The following RAD51B variants were observed in gnomAD, a reference collection of about 807,000 sequenced individuals.
The protein encoded by RAD51B is DNA repair protein RAD51 homolog 2.
Under a neutral mutation model 42.2 loss-of-function variants are expected in RAD51B, and 38 were observed. The ratio of observed to expected loss-of-function variants is 0.90; its 90% confidence interval spans 0.70 to 1.18. The LOEUF is 1.18. Among genes scored for constraint, RAD51B ranks in the 50% most tolerant of loss-of-function variants. The probability of loss-of-function intolerance (pLI) is 0.00; values close to 1 mark genes in which losing one functional copy is unlikely to be tolerated. For synonymous variants in RAD51B, 154 were observed against 145.2 expected, an observed-to-expected ratio of 1.06 and a Z score of -0.43; for missense variants, 373 against 400.7, an observed-to-expected ratio of 0.93 and a Z score of 0.59.
At chr14:68,430,179 G>C (rs925731826) in intron 9 of RAD51B, among the ~76,000 whole-genome samples, 9 of 152,028 alleles carry the variant, frequency 5.9e-5, no homozygotes, top group Admixed American at 5.2e-4. Flanking sequence ...AGTCAGGTAG[G>C]GTGATGCCTC....
At chr14:67,823,839 G>A (rs2040717300) in intron 2 of RAD51B, among the ~76,000 whole-genome samples, 1 of 152,142 alleles carries the variant, frequency 6.6e-6, no homozygotes, top group Non-Finnish European at 1.5e-5. Flanking sequence ...TTTGCATTTT[G>A]AGGGGAAAGT....
intron 7 of RAD51B, among the ~76,000 whole-genome samples, chr14:67,935,700 G>A (rs948243195): frequency 6.6e-6 from 1 of 152,120 alleles, no homozygotes; most frequent in African/African-American, 2.4e-5. Context: ...ATTCTGTTGC[G>A]TTGTCTTAGA....
intron 10 of RAD51B, chr14:68,470,420 T>TCCCCAGAAAATGCAGGC: frequency 2.2e-6 from 1 of 451,750 alleles, no homozygotes; most frequent in Non-Finnish European, 4.4e-6. Context: ...AAAATGCAGG[T>TCCCCAGAAAATGCAGGC]CCCCAGAAAA....
intron 7 of RAD51B, among the ~76,000 whole-genome samples, chr14:68,010,949 AC>A (rs1228604519): frequency 6.6e-6 from 1 of 151,926 alleles, no homozygotes; most frequent in African/African-American, 2.4e-5. Flanking sequence ...TTTGTATTGT[AC>A]AAAGGATATA....
intron 7 of RAD51B, among the ~76,000 whole-genome samples, chr14:68,193,291 C>G (rs920025981): frequency 1.3e-5 from 2 of 152,194 alleles, no homozygotes; most frequent in African/African-American, 4.8e-5. Flanking sequence ...TCTACTTGGA[C>G]TTAAATGTTG....
intron 10 of RAD51B, among the ~76,000 whole-genome samples, chr14:68,609,597 G>A (rs373639509): frequency 1.4e-4 from 21 of 152,272 alleles, no homozygotes; most frequent in South Asian, 8.3e-4. Context: ...AGCCTGGACC[G>A]GAAGCTGTGT....
In RAD51B at chr14:68,466,818, G is replaced by A. The variant is rs1032172674; in HGVS notation, c.958-1354G>A. Among the ~76,000 whole-genome samples the A allele has an allele frequency of 2.0e-5, 3 of 152,190 alleles. No homozygotes were observed. The South Asian group carries it at 6.2e-4, about 32-fold the overall frequency. Reference sequence around the variant, plus strand: ...GAGTTATTTACTAAAGGGAAGAAGGGGAATGGCTGCTAGAGGAAAATTGTA... The same window carrying A: ...GAGTTATTTACTAAAGGGAAGAAGGAGAATGGCTGCTAGAGGAAAATTGTA... On this transcript the variant is annotated intron_variant, in intron 9 of 10. Transcript: ENST00000471583.
chr14:68,618,977 C>A (rs1455467309), intron 10 of RAD51B, among the ~76,000 whole-genome samples: 5 of 152,112 alleles, frequency 3.3e-5, no homozygotes, highest in Non-Finnish European at 4.4e-5. Context: ...GAGGAGGAGG[C>A]CAGATAAAGA....
chr14:68,641,477 C>T (rs998103525), intron 10 of RAD51B, among the ~76,000 whole-genome samples: 1 of 147,244 alleles, frequency 6.8e-6, no homozygotes, highest in Non-Finnish European at 1.5e-5. Context: ...TTTAGGACTT[C>T]CAGTATGATG....
chr14:68,068,821 G>A (rs2076696210), intron 7 of RAD51B, among the ~76,000 whole-genome samples: 1 of 152,090 alleles, frequency 6.6e-6, no homozygotes, highest in South Asian at 2.1e-4. Context: ...GTTTTCTAGT[G>A]TACCTTGGAG....
At chr14:68,561,931 T>C in intron 10 of RAD51B, 1 of 982,440 alleles carries the variant, frequency 1.0e-6, no homozygotes, top group Non-Finnish European at 1.2e-6. Context: ...AATGAGGTCA[T>C]GTGTGCAAAG....
intron 7 of RAD51B, among the ~76,000 whole-genome samples, chr14:67,990,532 A>G (rs1771952733): frequency 6.6e-6 from 1 of 152,200 alleles, no homozygotes; most frequent in Non-Finnish European, 1.5e-5. Context: ...GGTTATGACT[A>G]TTTATCACCT....
intron 11 of RAD51B, among the ~76,000 whole-genome samples, chr14:68,669,768 T>C (rs1312841619): frequency 1.3e-5 from 2 of 152,190 alleles, no homozygotes; most frequent in Admixed American, 6.5e-5. Context: ...ACATGGCCCC[T>C]GGCCTTCTGT....
At chr14:68,009,792 C>T (rs2075653908) in intron 7 of RAD51B, among the ~76,000 whole-genome samples, 1 of 151,814 alleles carries the variant, frequency 6.6e-6, no homozygotes, top group Non-Finnish European at 1.5e-5. Flanking sequence ...TAAGTAGTAA[C>T]ATCAATTTAT....
rs139148809 is a variant in RAD51B, at chr14:67,861,540, C to T, written c.316-3463C>T. On this transcript the variant is annotated intron_variant, in intron 4 of 10. Transcript: ENST00000471583. Reference sequence around the variant, plus strand: ...GCAGTAAGTTATGTTCATGCCACTGCACTCCAGCCTGGGCAACAGAGTGAG... The same window carrying T: ...GCAGTAAGTTATGTTCATGCCACTGTACTCCAGCCTGGGCAACAGAGTGAG... Among the ~76,000 whole-genome samples the T allele has an allele frequency of 7.1e-3, 1,053 of 148,252 alleles. 10 individuals carry two copies. Among genetic ancestry groups the T allele is most frequent in the African/African-American group, 0.025 (992 of 40,022 alleles).
At chr14:68,407,799 G>T (rs1459887273) in intron 8 of RAD51B, among the ~76,000 whole-genome samples, 1 of 152,214 alleles carries the variant, frequency 6.6e-6, no homozygotes, top group Non-Finnish European at 1.5e-5. Flanking sequence ...CCAGATGAGG[G>T]AGGGACATGG....
chr14:68,379,702 G>A (rs971791128), intron 8 of RAD51B, among the ~76,000 whole-genome samples: 2 of 152,222 alleles, frequency 1.3e-5, no homozygotes, highest in African/African-American at 4.8e-5. Flanking sequence ...ATGGAAAGGG[G>A]AGAGAGATTT....
At chr14:68,170,246 G>A (rs2078844453) in intron 7 of RAD51B, among the ~76,000 whole-genome samples, 1 of 152,144 alleles carries the variant, frequency 6.6e-6, no homozygotes, top group Admixed American at 6.5e-5. Flanking sequence ...GAGTTTAGCA[G>A]CATCCTTTCC....
intron 7 of RAD51B, among the ~76,000 whole-genome samples, chr14:67,994,074 A>G (rs1182874025): frequency 2.0e-5 from 3 of 152,026 alleles, no homozygotes; most frequent in African/African-American, 2.4e-5. Context: ...GCTGAGGTAG[A>G]ATTTGTTTTT....
Sources: allele counts gnomAD v4.1 joint callset (sites outside exome capture counted in the v4.1 genomes callset), GRCh38; gene constraint gnomAD v4.1.1; transcripts MANE v1.5; gene names NCBI Gene and HGNC (gene_info 2026-07-23, HGNC 2026-07-21).